CNTN3: variants seen among roughly 807,000 people sequenced by gnomAD.
CNTN3 encodes the protein contactin 3.
A neutral mutation model predicts 119.1 loss-of-function variants in CNTN3; 60 were observed. The observed-to-expected ratio is 0.50, with a 90% confidence interval of 0.41 to 0.62. The LOEUF is 0.62. CNTN3 is among the 20% of genes least tolerant of loss of function. The pLI, the probability that CNTN3 is intolerant of heterozygous loss-of-function variation, is 0.00. For missense variants in CNTN3, 1,101 were observed against 1,242.4 expected (o/e 0.89, Z 1.71); for synonymous variants, 450 against 438.7 (o/e 1.03, Z -0.32).
At chr3:74,404,893 C>G (rs1705287537) in intron 5 of CNTN3, among the ~76,000 whole-genome samples, 1 of 151,960 alleles carries the variant, frequency 6.6e-6, no homozygotes, top group South Asian at 2.1e-4. Flanking sequence ...GACAGGTAAT[C>G]CAATTTCCAT....
At chr3:74,566,571 C>G (rs1410228588) in intron 1 of CNTN3, among the ~76,000 whole-genome samples, 2 of 152,132 alleles carry the variant, frequency 1.3e-5, no homozygotes, top group African/African-American at 2.4e-5. Flanking sequence ...ATCCCTGCCT[C>G]TGTCTTCACA....
intron 20 of CNTN3, among the ~76,000 whole-genome samples, chr3:74,269,059 A>C (rs1033740516): frequency 6.6e-6 from 1 of 150,960 alleles, no homozygotes; most frequent in Non-Finnish European, 1.5e-5. Flanking sequence ...AAAAAAAAAA[A>C]ACAAAAAAAA....
chr3:74,490,394 A>G (rs1702940874), intron 3 of CNTN3, among the ~76,000 whole-genome samples: 1 of 152,226 alleles, frequency 6.6e-6, no homozygotes, highest in African/African-American at 2.4e-5. Flanking sequence ...TTTTTAGCTC[A>G]GGACTTAGAA....
At chr3:74,354,911 G>A (rs549944599) in intron 11 of CNTN3, among the ~76,000 whole-genome samples, 3 of 152,180 alleles carry the variant, frequency 2.0e-5, no homozygotes, top group African/African-American at 7.2e-5. Context: ...TCAGAGGTAA[G>A]CTGTACAGCC....
intron 13 of CNTN3, among the ~76,000 whole-genome samples, chr3:74,318,678 G>C (rs1297696081): frequency 6.6e-6 from 1 of 152,122 alleles, no homozygotes; most frequent in African/African-American, 2.4e-5. Context: ...GTGGATCTTG[G>C]TGAACTGCAA....
intron 11 of CNTN3, among the ~76,000 whole-genome samples, chr3:74,346,739 A>G (rs1462401591): frequency 1.7e-5 from 1 of 58,274 alleles, no homozygotes. Flanking sequence ...TTTGACATCC[A>G]TCCATCCATC....
At chr3:74,606,426 G>A (rs1704993997) in intron 1 of CNTN3, among the ~76,000 whole-genome samples, 1 of 151,868 alleles carries the variant, frequency 6.6e-6, no homozygotes, top group African/African-American at 2.4e-5. Context: ...TGCATTTTGT[G>A]TGTGTGTCCG....
intron 5 of CNTN3, among the ~76,000 whole-genome samples, chr3:74,397,946 A>G (rs1286524484): frequency 6.6e-6 from 1 of 152,196 alleles, no homozygotes; most frequent in Non-Finnish European, 1.5e-5. Context: ...GAGTCCAAAG[A>G]TGTGACTGAA....
At chr3:74,495,807 T>C (rs1703052023) in intron 3 of CNTN3, among the ~76,000 whole-genome samples, 2 of 152,072 alleles carry the variant, frequency 1.3e-5, no homozygotes, top group South Asian at 4.1e-4. Context: ...TTTGCAATGA[T>C]ATTTAGCCCT....
At chr3:74,310,800 G>C (rs1702667727) in intron 13 of CNTN3, among the ~76,000 whole-genome samples, 1 of 152,198 alleles carries the variant, frequency 6.6e-6, no homozygotes, top group South Asian at 2.1e-4. Context: ...GTAAGAGCAT[G>C]TTGGATAAGA....
intron 5 of CNTN3, among the ~76,000 whole-genome samples, chr3:74,394,377 G>A (rs944526756): frequency 2.0e-5 from 3 of 152,114 alleles, no homozygotes; most frequent in Non-Finnish European, 2.9e-5. Context: ...GTATTATAAC[G>A]CTATTAGAGA....
chr3:74,434,530 T>C (rs1033958625), intron 4 of CNTN3, among the ~76,000 whole-genome samples: 5 of 152,176 alleles, frequency 3.3e-5, no homozygotes, highest in African/African-American at 1.2e-4. Context: ...CTGTTTCCTT[T>C]CAATTTTTAA....
intron 4 of CNTN3, among the ~76,000 whole-genome samples, chr3:74,486,200 GCACACACA>G (rs79617168): frequency 2.7e-5 from 4 of 147,732 alleles, no homozygotes; most frequent in African/African-American, 7.5e-5. Flanking sequence ...CTAAAATAGA[GCACACACA>G]CACACACACA....
intron 5 of CNTN3, among the ~76,000 whole-genome samples, chr3:74,410,905 T>G (rs182311366): frequency 6.6e-6 from 1 of 152,214 alleles, no homozygotes; most frequent in Admixed American, 6.5e-5. Context: ...CATAATGATA[T>G]AGTAAAGAAA....
intron 1 of CNTN3, among the ~76,000 whole-genome samples, chr3:74,546,818 T>A (rs1477986483): frequency 6.6e-6 from 1 of 152,212 alleles, no homozygotes; most frequent in African/African-American, 2.4e-5. Flanking sequence ...AACTCCCTTT[T>A]ATATATACAT....
At chr3:74,455,116 C>A (rs1192582968) in intron 4 of CNTN3, among the ~76,000 whole-genome samples, 1 of 152,056 alleles carries the variant, frequency 6.6e-6, no homozygotes, top group Non-Finnish European at 1.5e-5. Flanking sequence ...CAACTTGGTT[C>A]CATTCTCCCC....
At chr3:74,489,728 T>C (rs558254138) in intron 3 of CNTN3, among the ~76,000 whole-genome samples, 3 of 151,540 alleles carry the variant, frequency 2.0e-5, no homozygotes, top group South Asian at 2.1e-4. Flanking sequence ...GGTTTATCAG[T>C]TGGACTCACC....
intron 13 of CNTN3, among the ~76,000 whole-genome samples, chr3:74,308,947 CA>C (rs1224904690): frequency 6.6e-6 from 1 of 152,038 alleles, no homozygotes; most frequent in African/African-American, 2.4e-5. Context: ...TATAAATAGA[CA>C]CTGTCCAAAA....
chr3:74,499,594 AT>A, intron 3 of CNTN3, 64 bp downstream of exon 3: 1 of 1,485,354 alleles, frequency 6.7e-7, no homozygotes, highest in Non-Finnish European at 9.0e-7. Context: ...GCAAAAAAAA[AT>A]TCACAATCAC....
Sources: gnomAD v4.1 joint callset for allele counts (sites outside exome capture counted in the v4.1 genomes callset) on GRCh38, gnomAD v4.1.1 for gene constraint, MANE v1.5 for transcripts, NCBI Gene and HGNC (gene_info 2026-07-23, HGNC 2026-07-21) for gene names.